The following MDN1 variants were observed in gnomAD, a reference collection of about 807,000 sequenced individuals.
MDN1 encodes the protein midasin AAA ATPase 1.
MDN1 carries 266 observed loss-of-function variants against 669.2 expected under a neutral mutation model. The observed-to-expected ratio is 0.40, with a 90% confidence interval of 0.36 to 0.44. The LOEUF (loss-of-function observed/expected upper bound fraction) is 0.44, where lower values mean the gene tolerates loss of function less well. Ranked by LOEUF, MDN1 falls within the 20% of genes least tolerant of loss-of-function variation. The pLI, the probability that MDN1 is intolerant of heterozygous loss-of-function variation, is 1.00. For synonymous variants in MDN1, 2,385 were observed against 2,457.1 expected (o/e 0.97, Z 0.87); for missense variants, 5,940 against 6,754.0 (o/e 0.88, Z 4.22).
chr6:89,684,893 G>C lies in MDN1; in HGVS notation c.11812C>G (p.Leu3938Val), dbSNP rs775466098. 4 of 1,603,246 alleles carry C rather than the reference G, an allele frequency of 2.5e-6. No homozygotes were observed. The South Asian group carries it at 3.3e-5, about 13-fold the overall frequency. Residue 3938 changes from leucine to valine, a missense_variant, in exon 71 of 102, where the codon CTA becomes GTA. By Grantham distance (32) the Leu-to-Val change is conservative. Around this residue, in one of 5 missense-constraint regions of MDN1, gnomAD observed 2,280 missense variants for 2,576.3 expected, o/e 0.88. Coordinates refer to ENST00000369393, the MANE Select transcript of MDN1 (RefSeq NM_014611.3). ...CATCTTACTTTAAGTTCTTTTTCTA[G>C]GGGGGAACGAAGTTCCACAATTTTG... is the stretch of plus-strand genomic sequence containing the variant. ...QAKIVELRSP[L>V]EKELKEFVKI... is the part of the protein sequence containing the mutation.
At chr6:89,755,006 T>C (rs1483305334) in intron 20 of MDN1, among the ~76,000 whole-genome samples, 3 of 152,234 alleles carry the variant, frequency 2.0e-5, no homozygotes, top group Non-Finnish European at 4.4e-5. Context: ...TTTTAATATA[T>C]GGAATATATA....
At position 89,790,056 on chromosome 6, in the gene MDN1, G is replaced by A. The variant is rs959242655; in HGVS notation, c.1098+103C>T. 3.8e-6 allele frequency: 6 copies of A among 1,592,808 alleles called. No individual in the cohort carries two copies. In the African/African-American group the frequency reaches 5.4e-5, roughly 14 times the overall value. Reference sequence around the variant, plus strand: ...CATAGGTTGGCCCCAACAGTTATAAGCAAGACCAATAACTATTGTTATATT... The same window carrying A: ...CATAGGTTGGCCCCAACAGTTATAAACAAGACCAATAACTATTGTTATATT... On this transcript the variant is annotated intron_variant, in intron 6 of 101. Coordinates refer to ENST00000369393, the MANE Select transcript of MDN1 (RefSeq NM_014611.3).
chr6:89,675,980 C>CA, intron 77 of MDN1, 122 bp downstream of exon 77: 1 of 806,852 alleles, frequency 1.2e-6, no homozygotes, highest in African/African-American at 1.7e-5. Context: ...GGATGTACTG[C>CA]AAAAAGCTCA....
chr6:89,675,389 C>A lies in MDN1; in HGVS notation c.12761+75G>T. 4.8e-6 allele frequency: 6 copies of A among 1,242,496 alleles called. No homozygotes were observed. In the South Asian group the frequency reaches 5.2e-5, roughly 11 times the overall value. The allele number at this position is 1,242,496 out of a possible 1,614,324, so 77.0% of individuals were successfully genotyped here. A position where few individuals can be genotyped will look rare whatever the true frequency, so the allele number is the denominator to read the frequency against. On this transcript the variant is annotated intron_variant, in intron 78 of 101. Coordinates refer to ENST00000369393, the MANE Select transcript of MDN1 (RefSeq NM_014611.3). ...AGAGCATGTCTTATTCCTCTCCCCA[C>A]ATGCAGCAACTCTGAGCTGACTTGG... is the stretch of plus-strand genomic sequence containing the variant.
At chr6:89,647,571 G>C (rs1808568898) in intron 99 of MDN1, among the ~76,000 whole-genome samples, 1 of 152,182 alleles carries the variant, frequency 6.6e-6, no homozygotes, top group Non-Finnish European at 1.5e-5. Context: ...AGAAAAAGAA[G>C]TCACACCTTG....
Position 89,648,287 on chromosome 6 carries a change from G to C in MDN1, c.16249C>G (p.Leu5417Val). 1 of 1,614,170 alleles carries C rather than the reference G, an allele frequency of 6.2e-7. No individual in the cohort carries two copies. Among genetic ancestry groups the C allele is most frequent in the South Asian group, 1.1e-5 (1 of 91,070 alleles). ...ACTGCAATCTGACCCACTTCCAGGA[G>C]GGTTAGAGCATTTCCAATCACAGCC... ...SLAVIGNALT[L>V]LEVGQIAVCS... The change falls in exon 98 of 102, where the codon CTC (leucine) becomes GTC (valine). Residue 5417 changes from leucine (L) to valine (V), a missense_variant. Transcript: ENST00000369393.
At chr6:89,773,017 T>C (rs1818182879) in intron 13 of MDN1, among the ~76,000 whole-genome samples, 1 of 152,232 alleles carries the variant, frequency 6.6e-6, no homozygotes, top group Non-Finnish European at 1.5e-5. Context: ...TAATGTGTCT[T>C]AGCCTCAGTT....
intron 33 of MDN1, among the ~76,000 whole-genome samples, chr6:89,734,688 A>AAAAAC (rs1815821382): frequency 1.0e-5 from 1 of 98,206 alleles, no homozygotes; most frequent in Non-Finnish European, 2.2e-5. Flanking sequence ...AAAAAAAAAA[A>AAAAAC]ACAAGAGAGA....
intron 19 of MDN1, 146 bp from the exon 20 acceptor site, chr6:89,756,536 C>A (rs374076729): frequency 3.9e-6 from 2 of 513,944 alleles, no homozygotes; most frequent in African/African-American, 2.0e-5. Flanking sequence ...AGAAACTTAG[C>A]ATAATTAAAG....
chr6:89,682,758 AGTGAGACCTCATCTCTAC>A (rs1811726043), intron 73 of MDN1, among the ~76,000 whole-genome samples: 2 of 137,508 alleles, frequency 1.5e-5, no homozygotes, highest in Non-Finnish European at 1.6e-5. Flanking sequence ...TGGGCAACAA[AGTGAGACCTCATCTCTAC>A]AAAAAAAAAA....
chr6:89,776,812 T>A, intron 11 of MDN1, 117 bp from the exon 12 acceptor site: 1 of 727,544 alleles, frequency 1.4e-6, no homozygotes. Context: ...AACATTTCTC[T>A]AAAAATGAAG....
In MDN1 at chr6:89,684,976, C is replaced by G; in HGVS notation, c.11729G>C (p.Cys3910Ser). 1 of 1,607,714 alleles carries G rather than the reference C, an allele frequency of 6.2e-7. No individual in the cohort carries two copies. The highest frequency in any genetic ancestry group is 1.1e-5 in the South Asian group (1 of 90,790). ...ATGGTACAAATTCCATAGAACACTG[C>G]AAAGTGAATCTGGAAGAAATGAAAA... The part of the protein sequence containing the change: ...MPQVEGKDSL[C>S]SVLWNLYHYY... The change falls in exon 71 of 102, where the codon TGC becomes TCC. Residue 3910 changes from cysteine (C) to serine (S), a missense_variant. By Grantham distance (112) the Cys-to-Ser change is moderately radical. Coordinates refer to ENST00000369393, the MANE Select transcript of MDN1 (RefSeq NM_014611.3).
chr6:89,752,928 G>A (rs1817029836), intron 22 of MDN1, among the ~76,000 whole-genome samples: 1 of 152,074 alleles, frequency 6.6e-6, no homozygotes, highest in Non-Finnish European at 1.5e-5. Context: ...TTCGAGACCA[G>A]CCTGGCCAAC....
intron 45 of MDN1, among the ~76,000 whole-genome samples, chr6:89,715,004 T>G (rs535087915): frequency 2.6e-5 from 4 of 152,230 alleles, no homozygotes; most frequent in Non-Finnish European, 5.9e-5. Context: ...CCTTCAGATA[T>G]TCCCCAGAGT....
At chr6:89,717,968 T>C (rs762949125) in intron 43 of MDN1, among the ~76,000 whole-genome samples, 12 of 152,196 alleles carry the variant, frequency 7.9e-5, no homozygotes, top group Non-Finnish European at 1.5e-4. Flanking sequence ...TACAGGATGA[T>C]ATATTTCCTC....
chr6:89,677,538 G>A (rs924585626), intron 76 of MDN1, 32 bp downstream of exon 76: 2 of 1,611,440 alleles, frequency 1.2e-6, no homozygotes, highest in African/African-American at 2.7e-5. Flanking sequence ...CCATTTATAA[G>A]TAGGGAAAAA....
At chr6:89,708,761 A>G (rs776173179) in intron 50 of MDN1, 133 bp from the exon 51 acceptor site, 8 of 936,472 alleles carry the variant, frequency 8.5e-6, no homozygotes, top group Non-Finnish European at 1.3e-5. Context: ...TTGAACCAGT[A>G]AATACCATGA....
chr6:89,674,340 T>C lies in MDN1; in HGVS notation c.13011A>G (p.Pro4337=). 2 of 1,614,270 alleles carry C rather than the reference T, an allele frequency of 1.2e-6. No homozygotes were observed. Among genetic ancestry groups the C allele is most frequent in the Non-Finnish European group, 1.7e-6 (2 of 1,180,044 alleles). The change falls in exon 79 of 102, where the codon CCA becomes CCG. Residue 4337 remains proline, a synonymous_variant. Transcript: ENST00000369393. The part of the protein sequence containing the change: ...GQPPGPCLEG[P]ELSKGQLCGV... ...CACAAAGTTGTCCCTTGCTAAGTTC[T>C]GGTCCTTCCAGGCAGGGGCCAGGAG...
intron 84 of MDN1, among the ~76,000 whole-genome samples, chr6:89,665,099 G>A (rs781630925): frequency 5.3e-5 from 8 of 152,046 alleles, no homozygotes; most frequent in Non-Finnish European, 1.0e-4. Flanking sequence ...CACAATCATG[G>A]CTTACTGCAG....
Sources: allele counts gnomAD v4.1 joint callset (sites outside exome capture counted in the v4.1 genomes callset), GRCh38; gene constraint gnomAD v4.1.1; regional missense constraint gnomAD v4.1.1; transcripts MANE v1.5; gene names NCBI Gene and HGNC (gene_info 2026-07-23, HGNC 2026-07-21).